ACACA: variants seen among roughly 807,000 people sequenced by gnomAD.
ACACA encodes acetyl-CoA carboxylase 1.
In ACACA, 103 loss-of-function variants were observed where a neutral mutation model predicts 296.1. The observed-to-expected ratio is 0.35, with a 90% CI of 0.30 to 0.41. The LOEUF (loss-of-function observed/expected upper bound fraction) is 0.41. ACACA is among the 10% of genes least tolerant of loss of function. ACACA has a pLI of 1.00. For missense variants in ACACA, 1,554 were observed against 2,989.7 expected (o/e 0.52, Z 11.20); for synonymous variants, 953 against 1,038.6 (o/e 0.92, Z 1.58).
chr17:37,285,903 T>C (rs2082745264), intron 3 of ACACA, among the ~76,000 whole-genome samples: 1 of 152,168 alleles, frequency 6.6e-6, no homozygotes, highest in South Asian at 2.1e-4. Flanking sequence ...GTTTTTGTTG[T>C]TGTTTTGAGC....
At chr17:37,313,485 C>G (rs1352083524) in intron 3 of ACACA, among the ~76,000 whole-genome samples, 1 of 152,110 alleles carries the variant, frequency 6.6e-6, no homozygotes, top group Non-Finnish European at 1.5e-5. Context: ...AGGAAAATAT[C>G]TAATAATCCA....
intron 3 of ACACA, among the ~76,000 whole-genome samples, chr17:37,326,698 G>A (rs971007499): frequency 5.3e-5 from 8 of 151,732 alleles, no homozygotes; most frequent in Non-Finnish European, 1.0e-4. Context: ...GCATGGTAGC[G>A]GGTGCCTGTA....
At chr17:37,272,294 G>A (rs2082104034) in intron 9 of ACACA, among the ~76,000 whole-genome samples, 1 of 152,182 alleles carries the variant, frequency 6.6e-6, no homozygotes, top group African/African-American at 2.4e-5. Flanking sequence ...GGTGAGCCAA[G>A]ATGGCATCAC....
At chr17:37,169,752 G>A (rs957833697) in intron 41 of ACACA, among the ~76,000 whole-genome samples, 1 of 152,056 alleles carries the variant, frequency 6.6e-6, no homozygotes, top group Non-Finnish European at 1.5e-5. Context: ...AATGACTAAC[G>A]GAGACCCCAT....
At chr17:37,321,682 A>G (rs923957607) in intron 3 of ACACA, among the ~76,000 whole-genome samples, 9 of 152,188 alleles carry the variant, frequency 5.9e-5, no homozygotes, top group South Asian at 2.1e-4. Flanking sequence ...CAGGAGGCGG[A>G]GCTTGCAGTG....
Position 37,258,368 on chromosome 17 carries a change from G to A in ACACA, c.1506C>T (p.Ala502=), listed in dbSNP as rs745583149. 2 of 1,613,920 alleles carry A rather than the reference G, an allele frequency of 1.2e-6. No homozygotes were observed. The highest frequency in any genetic ancestry group is 1.7e-6 in the Non-Finnish European group (2 of 1,179,874). The change falls in exon 13 of 56, where the codon GCC becomes GCT. Residue 502 remains alanine, a synonymous_variant. Transcript: ENST00000616317. ...TGATTCTATATAGAGGAATCCCCATGGCAATCTGAAAGGTAATAAAACACA... is the reference window on the plus strand; with the variant it reads ...TGATTCTATATAGAGGAATCCCCATAGCAATCTGAAAGGTAATAAAACACA... ...VNLPAAQLQI[A]MGIPLYRIKD... is the part of the protein sequence containing the mutation.
intron 15 of ACACA, among the ~76,000 whole-genome samples, chr17:37,252,611 C>G: frequency 6.6e-6 from 1 of 152,138 alleles, no homozygotes; most frequent in East Asian, 1.9e-4. Context: ...AACTATGGAC[C>G]AGGTTTAACA....
At chr17:37,401,437 C>T (rs758805865) in intron 1 of ACACA, among the ~76,000 whole-genome samples, 3 of 152,016 alleles carry the variant, frequency 2.0e-5, no homozygotes, top group Admixed American at 1.3e-4. Flanking sequence ...AGGTGATCCA[C>T]CCGCCTCGGC....
chr17:37,362,287 C>T (rs2049432909), intron 1 of ACACA, among the ~76,000 whole-genome samples: 1 of 152,146 alleles, frequency 6.6e-6, no homozygotes, highest in South Asian at 2.1e-4. Context: ...ATATGACTTC[C>T]AGGGTTTTCA....
intron 6 of ACACA, among the ~76,000 whole-genome samples, 179 bp from the exon 7 acceptor site, chr17:37,277,293 A>G (rs566184826): frequency 6.6e-6 from 1 of 152,376 alleles, no homozygotes; most frequent in Admixed American, 6.5e-5. Flanking sequence ...AACAATAAGT[A>G]GTCCATTGTG....
At chr17:37,368,134 C>T (rs2049673942) in intron 1 of ACACA, among the ~76,000 whole-genome samples, 1 of 151,468 alleles carries the variant, frequency 6.6e-6, no homozygotes, top group Non-Finnish European at 1.5e-5. Flanking sequence ...CCACCATGAG[C>T]AACAGAGTGG....
At chr17:37,329,172 T>C (rs1360609907) in intron 3 of ACACA, among the ~76,000 whole-genome samples, 1 of 152,186 alleles carries the variant, frequency 6.6e-6, no homozygotes, top group Non-Finnish European at 1.5e-5. Flanking sequence ...AGAAACAGAA[T>C]ATAACTTCCT....
chr17:37,253,105 T>C (rs1006784215), intron 14 of ACACA, 69 bp from the exon 15 acceptor site: 1 of 1,610,728 alleles, frequency 6.2e-7, no homozygotes, highest in African/African-American at 1.3e-5. Flanking sequence ...TTTAAAGATC[T>C]GTTTGGCCAG....
chr17:37,207,377 C>G (rs2078552571), intron 31 of ACACA, among the ~76,000 whole-genome samples: 1 of 152,204 alleles, frequency 6.6e-6, no homozygotes, highest in Admixed American at 6.5e-5. Flanking sequence ...CATCACAGAG[C>G]AGACAGCTTC....
At chr17:37,123,225 G>A (rs2074610059) in intron 48 of ACACA, among the ~76,000 whole-genome samples, 1 of 152,168 alleles carries the variant, frequency 6.6e-6, no homozygotes, top group South Asian at 2.1e-4. Context: ...TAGGGAAGTG[G>A]ATCAACAAGC....
chr17:37,109,062 C>G (rs1378454350), intron 52 of ACACA, among the ~76,000 whole-genome samples: 1 of 152,150 alleles, frequency 6.6e-6, no homozygotes, highest in African/African-American at 2.4e-5. Flanking sequence ...ACCATTTTCA[C>G]CCACTTTGTG....
At chr17:37,203,065 G>T (rs372911488) in intron 33 of ACACA, among the ~76,000 whole-genome samples, 1 of 151,488 alleles carries the variant, frequency 6.6e-6, no homozygotes, top group Non-Finnish European at 1.5e-5. Flanking sequence ...AGGTTCAAGC[G>T]ATTCTCTTGC....
At chr17:37,125,604 G>T in intron 48 of ACACA, 94 bp downstream of exon 48, 1 of 1,125,248 alleles carries the variant, frequency 8.9e-7, no homozygotes, top group Non-Finnish European at 1.3e-6. Context: ...CAGACAAAGA[G>T]AACATTATTG....
intron 52 of ACACA, among the ~76,000 whole-genome samples, chr17:37,110,162 G>A (rs1401036099): frequency 6.6e-6 from 1 of 152,258 alleles, no homozygotes; most frequent in Non-Finnish European, 1.5e-5. Flanking sequence ...CGGCATTGCT[G>A]CCTTTGTATG....
Sources: allele counts gnomAD v4.1 joint callset (sites outside exome capture counted in the v4.1 genomes callset), GRCh38; gene constraint gnomAD v4.1.1; transcripts MANE v1.5; gene names NCBI Gene and HGNC (gene_info 2026-07-23, HGNC 2026-07-21).